The following GALNT7 variants were observed in gnomAD, a reference collection of about 807,000 sequenced individuals.
GALNT7 encodes N-acetylgalactosaminyltransferase 7.
In GALNT7, 60 loss-of-function variants were observed where a neutral mutation model predicts 82.1. The ratio of observed to expected loss-of-function variants is 0.73; its 90% confidence interval spans 0.59 to 0.91. GALNT7 has a LOEUF of 0.91. GALNT7 is among the 40% of genes least tolerant of loss of function. The probability of loss-of-function intolerance (pLI) is 0.00; values close to 1 mark genes in which losing one functional copy is unlikely to be tolerated. For missense variants in GALNT7, 660 were observed against 804.2 expected (o/e 0.82, Z 2.17); for synonymous variants, 243 against 275.1 (o/e 0.88, Z 1.15).
At position 173,247,976 on chromosome 4, in the gene GALNT7, A is replaced by T; in HGVS notation, c.127-4A>T. ...TCATTGTATATCCCCTCCCTTTTGT[A>T]TAGGAAGACAGAGATGTCAATGACC... On this transcript the variant is annotated splice_polypyrimidine_tract_variant and splice_region_variant and intron_variant, in intron 1 of 11. Transcript: ENST00000265000. The T allele has an allele frequency of 6.3e-7, 1 of 1,595,888 alleles. No homozygotes were observed. The highest frequency in any genetic ancestry group is 8.6e-7 in the Non-Finnish European group (1 of 1,165,880).
At chr4:173,202,962 T>TA (rs1160064872) in intron 1 of GALNT7, among the ~76,000 whole-genome samples, 1 of 152,200 alleles carries the variant, frequency 6.6e-6, no homozygotes, top group African/African-American at 2.4e-5. Context: ...TTTTATCTGA[T>TA]ACAAATATAG....
At position 173,279,311 on chromosome 4, in the gene GALNT7, A is replaced by T. The variant is rs572247080; in HGVS notation, c.588-12797A>T. Among the ~76,000 whole-genome samples, 3 of 152,204 alleles carry T rather than the reference A, an allele frequency of 2.0e-5. No homozygotes were observed. The East Asian group carries it at 5.8e-4, about 29-fold the overall frequency. ...GAGGGTAAGCTACACATTTTTAAAC[A>T]ACCAAATCTCACCAGAACTCACTGT... On this transcript the variant is annotated intron_variant, in intron 2 of 11. Transcript: ENST00000265000.
intron 1 of GALNT7, among the ~76,000 whole-genome samples, chr4:173,188,323 G>C (rs1732519142): frequency 6.6e-6 from 1 of 152,174 alleles, no homozygotes; most frequent in Non-Finnish European, 1.5e-5. Flanking sequence ...GTGGGATTCA[G>C]TACCACCAAG....
In GALNT7 at chr4:173,248,306, G is replaced by A; in HGVS notation, c.453G>A (p.Glu151=). The A allele has an allele frequency of 6.2e-7, 1 of 1,613,852 alleles. No homozygotes were observed. Among genetic ancestry groups the A allele is most frequent in the Non-Finnish European group, 8.5e-7 (1 of 1,179,796 alleles). Reference sequence around the variant, plus strand: ...CTGGAGTGGTTGGTGGCCCTGGAGAGAAAGCCAAGCCATTGGTTTTGGGAC... The same window carrying A: ...CTGGAGTGGTTGGTGGCCCTGGAGAAAAAGCCAAGCCATTGGTTTTGGGAC... The part of the protein sequence containing the change: ...EPPGVVGGPG[E]KAKPLVLGPE... Residue 151 remains glutamate, a synonymous_variant, in exon 2 of 12, where the codon GAG becomes GAA. Coordinates refer to ENST00000265000, the MANE Select transcript of GALNT7 (RefSeq NM_017423.3).
chr4:173,269,078 T>C (rs1187616905), intron 2 of GALNT7, among the ~76,000 whole-genome samples: 1 of 152,098 alleles, frequency 6.6e-6, no homozygotes, highest in Non-Finnish European at 1.5e-5. Flanking sequence ...ACAGTGAAGA[T>C]GTTTCTCAGA....
chr4:173,250,896 G>T (rs1232831817), intron 2 of GALNT7, among the ~76,000 whole-genome samples: 1 of 152,088 alleles, frequency 6.6e-6, no homozygotes, highest in Non-Finnish European at 1.5e-5. Context: ...TGACGGGCTG[G>T]CTCCTTCCCA....
intron 3 of GALNT7, among the ~76,000 whole-genome samples, chr4:173,293,468 G>GATATATATATCACTCAA (rs1736610788): frequency 6.6e-6 from 1 of 151,972 alleles, no homozygotes; most frequent in African/African-American, 2.4e-5. Flanking sequence ...TATACTGTTT[G>GATATATATATCACTCAA]GTTAATCAGA....
intron 2 of GALNT7, among the ~76,000 whole-genome samples, chr4:173,265,578 G>T (rs1004385502): frequency 4.7e-5 from 7 of 149,248 alleles, no homozygotes; most frequent in Non-Finnish European, 1.0e-4. Context: ...CAGTGATGGT[G>T]GCGTAAGCAT....
chr4:173,217,858 T>G (rs1733519744), intron 1 of GALNT7, among the ~76,000 whole-genome samples: 1 of 152,194 alleles, frequency 6.6e-6, no homozygotes, highest in African/African-American at 2.4e-5. Context: ...AAACTTGCAT[T>G]GCAACCTTGC....
intron 1 of GALNT7, among the ~76,000 whole-genome samples, chr4:173,172,406 A>G (rs563342845): frequency 1.2e-3 from 177 of 152,310 alleles, no homozygotes; most frequent in Non-Finnish European, 2.3e-3. Flanking sequence ...CATTTTGCCT[A>G]TTAGTGCACA....
At position 173,292,569 on chromosome 4, in the gene GALNT7, GT is replaced by G. The variant is rs1736584251; in HGVS notation, c.754+297del. 6.6e-6 allele frequency among the ~76,000 whole-genome samples: 1 copy of G among 152,132 alleles called. No homozygotes were observed. The highest frequency in any genetic ancestry group is 1.5e-5 in the Non-Finnish European group (1 of 67,990). On this transcript the variant is annotated intron_variant, in intron 3 of 11. Transcript: ENST00000265000. The surrounding 1 kb of genome is among the most constrained non-coding windows in gnomAD (Gnocchi z 4.8). ...AGTAAAGTATACCACTGATTATAAT[GT>G]TAGAAGCGAAGATAAACATAGGTAG...
rs115482316 is a variant in GALNT7, at chr4:173,307,944, T to C, written c.1389+3826T>C. 1.4e-3 allele frequency among the ~76,000 whole-genome samples: 209 copies of C among 152,332 alleles called. 5 individuals are homozygous for C. Among genetic ancestry groups the C allele is most frequent in the African/African-American group, 4.9e-3 (203 of 41,576 alleles). On this transcript the variant is annotated intron_variant, in intron 8 of 11. Coordinates refer to ENST00000265000, the MANE Select transcript of GALNT7 (RefSeq NM_017423.3). The stretch of plus-strand genomic sequence containing the variant: ...GTTCCCCAGCAGAAGGGCTGTCGTT[T>C]ACCTCAGTGGCAAGTGATGCCAGTG...
intron 1 of GALNT7, among the ~76,000 whole-genome samples, chr4:173,188,826 A>G (rs1732534171): frequency 6.6e-6 from 1 of 152,216 alleles, no homozygotes; most frequent in Non-Finnish European, 1.5e-5. Context: ...TGACCTCAGC[A>G]AAGTTCCTGA....
intron 1 of GALNT7, among the ~76,000 whole-genome samples, chr4:173,240,027 A>T (rs1265001365): frequency 1.3e-5 from 2 of 152,234 alleles, no homozygotes; most frequent in African/African-American, 4.8e-5. Context: ...GGAATAATCT[A>T]GAGTTCCAAA....
intron 1 of GALNT7, among the ~76,000 whole-genome samples, chr4:173,181,737 C>G (rs1439241368): frequency 6.6e-6 from 1 of 152,194 alleles, no homozygotes; most frequent in African/African-American, 2.4e-5. Context: ...GTTTGCTTAG[C>G]CTGAGAAAGG....
chr4:173,213,137 C>G (rs1733335235), intron 1 of GALNT7, among the ~76,000 whole-genome samples: 1 of 151,858 alleles, frequency 6.6e-6, no homozygotes, highest in African/African-American at 2.4e-5. Flanking sequence ...ATAGAAAACC[C>G]CTTATTTGGA....
intron 1 of GALNT7, among the ~76,000 whole-genome samples, chr4:173,212,934 T>C (rs1733328686): frequency 6.6e-6 from 1 of 152,052 alleles, no homozygotes; most frequent in Non-Finnish European, 1.5e-5. Context: ...ATACTAAAAC[T>C]TGGAACCACA....
rs1222941913 is a variant in GALNT7 at position 173,248,221 on chromosome 4, A to G, written c.368A>G (p.His123Arg). Residue 123 changes from histidine (H) to arginine (R), a missense_variant, in exon 2 of 12, where the codon CAT becomes CGT. His to Arg is a conservative substitution (Grantham distance 29). Transcript: ENST00000265000. Reference protein sequence around the residue: ...LTFKPQTFTYHDPVLRPGILG... With the variant: ...LTFKPQTFTYRDPVLRPGILG... ...TTTAAGCCTCAGACATTCACCTACC[A>G]TGATCCTGTGCTTCGCCCAGGGATC... 1.9e-6 allele frequency: 3 copies of G among 1,613,934 alleles called. No homozygotes were observed. Among genetic ancestry groups the G allele is most frequent in the South Asian group, 1.1e-5 (1 of 91,090 alleles).
At chr4:173,242,123 A>C (rs1217930079) in intron 1 of GALNT7, among the ~76,000 whole-genome samples, 3 of 152,160 alleles carry the variant, frequency 2.0e-5, no homozygotes, top group Non-Finnish European at 2.9e-5. Flanking sequence ...GATTTCTTTT[A>C]GTGGAGCATT....
Sources: allele counts gnomAD v4.1 joint callset (sites outside exome capture counted in the v4.1 genomes callset), GRCh38; gene constraint gnomAD v4.1.1; non-coding constraint Gnocchi (gnomAD v3.1); transcripts MANE v1.5; gene names NCBI Gene and HGNC (gene_info 2026-07-23, HGNC 2026-07-21).